The following PCDH15 variants were observed in gnomAD, a reference collection of about 807,000 sequenced individuals.
PCDH15 encodes the protein protocadherin related 15.
PCDH15 carries 129 observed loss-of-function variants against 178.5 expected under a neutral mutation model. The ratio of observed to expected loss-of-function variants is 0.72; its 90% CI spans 0.63 to 0.84. PCDH15 has a LOEUF of 0.84. PCDH15 is among the 40% of genes least tolerant of loss of function. PCDH15 has a pLI of 0.00. For missense variants in PCDH15, 2,230 were observed against 2,099.9 expected (o/e 1.06, Z -1.21); for synonymous variants, 800 against 732.0 (o/e 1.09, Z -1.50).
At chr10:54,525,610 C>T (rs894989645) in intron 3 of PCDH15, among the ~76,000 whole-genome samples, 33 of 152,156 alleles carry the variant, frequency 2.2e-4, no homozygotes, top group Admixed American at 1.8e-3. Flanking sequence ...GAGTGTGTGC[C>T]ACCACACCTG....
At chr10:54,586,433 T>A (rs112519837) in intron 2 of PCDH15, among the ~76,000 whole-genome samples, 17,066 of 152,162 alleles carry the variant, frequency 0.11, 1,070 homozygotes, top group Middle Eastern at 0.15. Context: ...TAATATATAC[T>A]GGCTATTTAC....
intron 3 of PCDH15, among the ~76,000 whole-genome samples, chr10:54,884,296 A>G (rs1306143504): frequency 1.4e-5 from 2 of 146,044 alleles, no homozygotes; most frequent in Admixed American, 7.1e-5. Flanking sequence ...AGAAAAGGCT[A>G]TCAATGCTAA....
intron 1 of PCDH15, among the ~76,000 whole-genome samples, chr10:55,314,520 C>T (rs967847163): frequency 2.0e-5 from 3 of 151,644 alleles, no homozygotes; most frequent in Admixed American, 1.3e-4. Context: ...TACTATCCGA[C>T]ACTGCCTGGG....
intron 1 of PCDH15, among the ~76,000 whole-genome samples, chr10:54,704,870 G>T (rs2095350248): frequency 6.6e-6 from 1 of 152,090 alleles, no homozygotes; most frequent in Non-Finnish European, 1.5e-5. Context: ...AAAGGCACAT[G>T]CATGAGTATG....
chr10:54,458,858 G>A (rs1361888528), intron 3 of PCDH15, among the ~76,000 whole-genome samples: 1 of 152,058 alleles, frequency 6.6e-6, no homozygotes, highest in Non-Finnish European at 1.5e-5. Flanking sequence ...TAAACTTTCA[G>A]TATCATAAGT....
chr10:54,431,499 A>G (rs1219865), intron 3 of PCDH15, among the ~76,000 whole-genome samples: 8,079 of 152,262 alleles, frequency 0.053, 716 homozygotes, highest in African/African-American at 0.18. Flanking sequence ...AATGAAGGGC[A>G]AAAACTGTAT....
At chr10:54,567,671 A>G (rs2133491122) in intron 2 of PCDH15, among the ~76,000 whole-genome samples, 1 of 152,286 alleles carries the variant, frequency 6.6e-6, no homozygotes, top group East Asian at 1.9e-4. Flanking sequence ...ATTATGTTAA[A>G]ACTGCTGTCT....
chr10:54,468,939 A>G (rs1406852563), intron 3 of PCDH15, among the ~76,000 whole-genome samples: 2 of 152,006 alleles, frequency 1.3e-5, no homozygotes, highest in African/African-American at 4.8e-5. Context: ...ATTCAACTTT[A>G]TTTGATATAA....
intron 1 of PCDH15, among the ~76,000 whole-genome samples, chr10:55,204,160 T>G (rs1401049814): frequency 1.3e-5 from 2 of 148,690 alleles, no homozygotes; most frequent in African/African-American, 4.9e-5. Context: ...ATTTAATATA[T>G]TTAAAGGATT....
In PCDH15 at chr10:54,332,368, A is replaced by ATAT. The variant is rs1554905659; in HGVS notation, c.595-2665_595-2663dup. The stretch of plus-strand genomic sequence containing the variant: ...TATATAATATAATATAATCTATATT[A>ATAT]TATATATAATATATATATAGTAAAT... On this transcript the variant is annotated intron_variant, in intron 6 of 37. Coordinates refer to ENST00000644397, the MANE Select transcript of PCDH15 (RefSeq NM_001384140.1). Among the ~76,000 whole-genome samples, 155 of 97,378 alleles carry ATAT rather than the reference A, an allele frequency of 1.6e-3. 29 individuals are homozygous for ATAT. Among genetic ancestry groups the ATAT allele is most frequent in the African/African-American group, 3.2e-3 (82 of 25,996 alleles). The allele number at this position is 97,378 out of a possible 152,430, so 63.9% of individuals were successfully genotyped here.
intron 5 of PCDH15, among the ~76,000 whole-genome samples, chr10:54,362,864 CAA>C (rs1196583291): frequency 2.0e-5 from 3 of 152,032 alleles, no homozygotes; most frequent in East Asian, 3.9e-4. Context: ...TCATATTTAT[CAA>C]GTTTTAAAAA....
intron 14 of PCDH15, among the ~76,000 whole-genome samples, chr10:54,136,947 C>T (rs2042956899): frequency 6.6e-6 from 1 of 152,148 alleles, no homozygotes. Context: ...TCTTCAACAT[C>T]CTGGCATGTC....
chr10:54,366,941 T>C (rs1478351100), intron 5 of PCDH15, among the ~76,000 whole-genome samples: 1 of 152,110 alleles, frequency 6.6e-6, no homozygotes, highest in Non-Finnish European at 1.5e-5. Context: ...CTCAAAATAA[T>C]GTTTAAGATC....
chr10:54,596,277 C>A (rs1367671988), intron 2 of PCDH15, among the ~76,000 whole-genome samples: 2 of 152,092 alleles, frequency 1.3e-5, no homozygotes, highest in Non-Finnish European at 2.9e-5. Flanking sequence ...AGTACAAATC[C>A]TACAAGTCAG....
chr10:55,379,320 G>C (rs1181310657), intron 2 of PCDH15, among the ~76,000 whole-genome samples: 2 of 151,720 alleles, frequency 1.3e-5, no homozygotes, highest in African/African-American at 4.8e-5. Context: ...TATACTAACA[G>C]TCCAGGAGTG....
At chr10:55,329,592 G>A (rs1324825691) in intron 2 of PCDH15, among the ~76,000 whole-genome samples, 1 of 151,772 alleles carries the variant, frequency 6.6e-6, no homozygotes, top group Admixed American at 6.6e-5. Context: ...AGCAAGATGA[G>A]GGACTGCTAA....
rs2132462186 is a variant in PCDH15 at position 53,820,202 on chromosome 10, A to C, written c.4396T>G (p.Cys1466Gly). The change falls in exon 33 of 38, where the codon TGC (cysteine) becomes GGC (glycine). Residue 1466 changes from cysteine to glycine, a missense_variant. Transcript: ENST00000644397. ...IWSFCWQLVI[C>G]MRTCAIWRTL... Reference sequence around the variant, plus strand: ...CGCCAAATAGCACAAGTTCTCATGCATATGACCAGCTGCCAACAAAAACTC... The same window carrying C: ...CGCCAAATAGCACAAGTTCTCATGCCTATGACCAGCTGCCAACAAAAACTC... The C allele has an allele frequency of 2.5e-6, 1 of 397,982 alleles. No individual in the cohort carries two copies. The highest frequency in any genetic ancestry group is 3.6e-5 in the East Asian group (1 of 28,024). 24.7% of individuals were successfully genotyped at this position (397,982 alleles called of 1,614,324 possible).
chr10:55,603,276 C>A (rs1014835846), intron 2 of PCDH15, among the ~76,000 whole-genome samples: 13 of 151,028 alleles, frequency 8.6e-5, no homozygotes, highest in African/African-American at 2.7e-4. Flanking sequence ...GATTGGTGTA[C>A]CTGAAAGTGA....
At chr10:55,069,200 C>A (rs1841651979) in intron 2 of PCDH15, among the ~76,000 whole-genome samples, 1 of 150,166 alleles carries the variant, frequency 6.7e-6, no homozygotes, top group African/African-American at 2.5e-5. Context: ...TGCACCCAGA[C>A]TGTATTATCT....
Sources: allele counts gnomAD v4.1 joint callset (sites outside exome capture counted in the v4.1 genomes callset), GRCh38; gene constraint gnomAD v4.1.1; transcripts MANE v1.5; gene names NCBI Gene and HGNC (gene_info 2026-07-23, HGNC 2026-07-21).